The following DOCK2 variants were observed in gnomAD, a reference collection of about 807,000 sequenced individuals.
DOCK2 encodes dedicator of cytokinesis 2.
DOCK2 carries 87 observed loss-of-function variants against 248.9 expected under a neutral mutation model. The observed-to-expected ratio is 0.35, with a 90% CI of 0.29 to 0.42. DOCK2 has a LOEUF of 0.42. Ranked by LOEUF, DOCK2 falls within the 10% of genes least tolerant of loss-of-function variation. DOCK2 has a pLI of 1.00. For synonymous variants in DOCK2, 805 were observed against 821.6 expected, an observed-to-expected ratio of 0.98 and a Z score of 0.35; for missense variants, 1,747 against 2,300.2, an observed-to-expected ratio of 0.76 and a Z score of 4.92.
At chr5:170,008,418 A>G in intron 30 of DOCK2, 79 bp from the exon 31 acceptor site, 6 of 1,458,180 alleles carry the variant, frequency 4.1e-6, no homozygotes, top group Non-Finnish European at 5.7e-6. Context: ...CATCTTCATA[A>G]ATTATTCACA....
intron 33 of DOCK2, among the ~76,000 whole-genome samples, chr5:170,020,249 A>G (rs577666204): frequency 1.3e-5 from 2 of 152,032 alleles, no homozygotes; most frequent in Admixed American, 1.3e-4. Flanking sequence ...TCTTTCTGCT[A>G]CTTCTCTGCA....
At chr5:169,914,693 T>G (rs1292364894) in intron 27 of DOCK2, among the ~76,000 whole-genome samples, 1 of 152,224 alleles carries the variant, frequency 6.6e-6, no homozygotes, top group Non-Finnish European at 1.5e-5. Context: ...CACATCCCCA[T>G]CTAAGGCATC....
chr5:169,642,276 C>A (rs987713394), intron 1 of DOCK2, among the ~76,000 whole-genome samples: 2 of 152,218 alleles, frequency 1.3e-5, no homozygotes, highest in Non-Finnish European at 2.9e-5. Flanking sequence ...GTGTGCCAGG[C>A]ATTATGCTAG....
intron 26 of DOCK2, among the ~76,000 whole-genome samples, chr5:169,824,381 G>A (rs1768699210): frequency 6.6e-6 from 1 of 152,132 alleles, no homozygotes; most frequent in Non-Finnish European, 1.5e-5. Context: ...TATACTACAA[G>A]GCTACAGTAA....
chr5:170,062,139 G>A (rs1486030929), intron 44 of DOCK2, among the ~76,000 whole-genome samples: 1 of 151,522 alleles, frequency 6.6e-6, no homozygotes, highest in African/African-American at 2.4e-5. Context: ...GAGAGAGAGA[G>A]AGAGAGAGAC....
intron 33 of DOCK2, among the ~76,000 whole-genome samples, chr5:170,020,217 G>T (rs1755673859): frequency 6.6e-6 from 1 of 152,046 alleles, no homozygotes; most frequent in Non-Finnish European, 1.5e-5. Context: ...TGCCTCTGTG[G>T]GTGTCCTTCG....
intron 32 of DOCK2, among the ~76,000 whole-genome samples, chr5:170,011,950 A>G (rs1404315569): frequency 6.6e-6 from 1 of 152,208 alleles, no homozygotes; most frequent in East Asian, 1.9e-4. Flanking sequence ...GTTAAACAAG[A>G]AAATTAAAGC....
At chr5:169,735,915 C>A (rs1301317627) in intron 22 of DOCK2, among the ~76,000 whole-genome samples, 1 of 149,214 alleles carries the variant, frequency 6.7e-6, no homozygotes. Flanking sequence ...GAAGGGGAAG[C>A]AAGCATGCCT....
At chr5:170,079,935 T>A in intron 49 of DOCK2, 1 of 560,262 alleles carries the variant, frequency 1.8e-6, no homozygotes. Context: ...TACATGATAG[T>A]CTAAATGAAT....
intron 46 of DOCK2, among the ~76,000 whole-genome samples, chr5:170,070,525 A>G (rs1299322807): frequency 6.6e-6 from 1 of 152,170 alleles, no homozygotes; most frequent in Non-Finnish European, 1.5e-5. Context: ...TGAAGCCCAA[A>G]TATCCCCCAG....
At chr5:170,022,487 G>A (rs1430322183) in intron 33 of DOCK2, among the ~76,000 whole-genome samples, 2 of 151,996 alleles carry the variant, frequency 1.3e-5, no homozygotes, top group Admixed American at 1.3e-4. Flanking sequence ...CCTCATGAGT[G>A]TAGCACTTCA....
intron 15 of DOCK2, 45 bp from the exon 16 acceptor site, chr5:169,711,890 G>A: frequency 6.2e-7 from 1 of 1,607,712 alleles, no homozygotes; most frequent in South Asian, 1.1e-5. Context: ...AGTGGGGAGG[G>A]CCCTTTAACT....
intron 42 of DOCK2, chr5:170,056,330 T>A (rs1276598816): frequency 5.4e-6 from 1 of 186,834 alleles, no homozygotes; most frequent in East Asian, 1.4e-4. Flanking sequence ...AGAAATCCTT[T>A]GAGGACACCT....
chr5:169,813,782 C>A (rs898450815), intron 26 of DOCK2, among the ~76,000 whole-genome samples: 1 of 152,028 alleles, frequency 6.6e-6, no homozygotes, highest in Admixed American at 6.5e-5. Flanking sequence ...TTGAGAATGT[C>A]GAGGTCTCCT....
chr5:169,660,007 TG>T (rs968844991), intron 2 of DOCK2, among the ~76,000 whole-genome samples: 1 of 152,182 alleles, frequency 6.6e-6, no homozygotes, highest in Admixed American at 6.5e-5. Flanking sequence ...GGAGGGAGTT[TG>T]GGGTGCTTTC....
chr5:170,062,447 G>A (rs542685975), intron 44 of DOCK2, among the ~76,000 whole-genome samples: 2 of 152,068 alleles, frequency 1.3e-5, no homozygotes, highest in East Asian at 1.9e-4. Flanking sequence ...ACATTGAACC[G>A]ATATGAAAAG....
At chr5:170,063,533 A>G (rs1757400405) in intron 44 of DOCK2, among the ~76,000 whole-genome samples, 1 of 152,236 alleles carries the variant, frequency 6.6e-6, no homozygotes, top group Admixed American at 6.5e-5. Context: ...AACTTGCATC[A>G]GGAAGCTAAT....
intron 22 of DOCK2, among the ~76,000 whole-genome samples, chr5:169,736,040 G>T (rs1763022910): frequency 6.6e-6 from 1 of 151,986 alleles, no homozygotes; most frequent in African/African-American, 2.4e-5. Context: ...GATCTTATGA[G>T]AACTCACTCA....
chr5:170,059,170 G>A (rs894382570), intron 44 of DOCK2, among the ~76,000 whole-genome samples: 9 of 151,948 alleles, frequency 5.9e-5, no homozygotes, highest in Admixed American at 5.2e-4. Context: ...AGAAAAAGAA[G>A]AGCCCACCCC....
Sources: allele counts gnomAD v4.1 joint callset (sites outside exome capture counted in the v4.1 genomes callset), GRCh38; gene constraint gnomAD v4.1.1; transcripts MANE v1.5; gene names NCBI Gene and HGNC (gene_info 2026-07-23, HGNC 2026-07-21).